FBXO4: variants seen among roughly 807,000 people sequenced by gnomAD.
FBXO4 encodes the protein F-box protein 4, also known as F-box only protein 4.
A neutral mutation model predicts 43.7 loss-of-function variants in FBXO4; 36 were observed. The ratio of observed to expected loss-of-function variants is 0.82; its 90% CI spans 0.63 to 1.09. The LOEUF is 1.09. Among genes scored for constraint, FBXO4 ranks in the 50% least tolerant of loss-of-function variants. FBXO4 has a pLI of 0.00. For missense variants in FBXO4, 435 were observed against 474.1 expected, an observed-to-expected ratio of 0.92 and a Z score of 0.77; for synonymous variants, 180 against 165.6, an observed-to-expected ratio of 1.09 and a Z score of -0.67.
the FBXO4 span, among the ~76,000 whole-genome samples, chr5:41,991,457 T>C: frequency 2.0e-5 from 3 of 152,226 alleles, no homozygotes; most frequent in African/African-American, 7.2e-5. Context: ...TAAGCCTGAT[T>C]AACTTACCCC....
chr5:41,948,520 T>C, the FBXO4 span, among the ~76,000 whole-genome samples: 1 of 152,206 alleles, frequency 6.6e-6, no homozygotes, highest in African/African-American at 2.4e-5. Flanking sequence ...TTTAATATTA[T>C]ACTACTTTAC....
At chr5:42,036,167 A>T in the FBXO4 span, among the ~76,000 whole-genome samples, 1 of 152,140 alleles carries the variant, frequency 6.6e-6, no homozygotes, top group African/African-American at 2.4e-5. Context: ...AAAACCATAA[A>T]TTTAAATGGT....
the FBXO4 span, chr5:41,951,951 T>C: frequency 3.1e-6 from 1 of 325,298 alleles, no homozygotes; most frequent in Admixed American, 3.3e-5. Flanking sequence ...GTGGTCAGTA[T>C]TCCTGGAGGA....
chr5:42,010,789 G>A, the FBXO4 span, among the ~76,000 whole-genome samples: 1 of 152,106 alleles, frequency 6.6e-6, no homozygotes, highest in African/African-American at 2.4e-5. Context: ...CATAGGGGCT[G>A]CATCATTATA....
the FBXO4 span, among the ~76,000 whole-genome samples, chr5:42,004,589 A>G: frequency 6.6e-6 from 1 of 152,168 alleles, no homozygotes; most frequent in Non-Finnish European, 1.5e-5. Context: ...TTGGTTTTGA[A>G]AAGTTGGTCA....
the FBXO4 span, among the ~76,000 whole-genome samples, chr5:42,036,640 A>C: frequency 7.2e-4 from 109 of 152,236 alleles, no homozygotes; most frequent in Non-Finnish European, 1.4e-3. Flanking sequence ...AATATACACA[A>C]AGGGCCTGAG....
chr5:41,973,267 C>T, the FBXO4 span, among the ~76,000 whole-genome samples: 5 of 152,114 alleles, frequency 3.3e-5, no homozygotes, highest in South Asian at 1.0e-3. Flanking sequence ...AGGACATGAA[C>T]AGACACTTCT....
At chr5:41,973,087 T>C in the FBXO4 span, among the ~76,000 whole-genome samples, 1 of 152,120 alleles carries the variant, frequency 6.6e-6, no homozygotes, top group Non-Finnish European at 1.5e-5. Context: ...TTAATTAAAC[T>C]AAAGAGTTAC....
At chr5:41,999,505 G>GTATATA in the FBXO4 span, among the ~76,000 whole-genome samples, 2 of 63,350 alleles carry the variant, frequency 3.2e-5, no homozygotes, top group South Asian at 4.1e-4. Context: ...ATATATATAT[G>GTATATA]TGTATATATA....
At chr5:42,030,359 C>G in the FBXO4 span, among the ~76,000 whole-genome samples, 2,379 of 150,664 alleles carry the variant, frequency 0.016, 83 homozygotes, top group East Asian at 0.092. Context: ...AATGGGGAAA[C>G]GATTCCCTAT....
chr5:41,989,644 C>T, the FBXO4 span, among the ~76,000 whole-genome samples: 3 of 152,056 alleles, frequency 2.0e-5, no homozygotes, highest in Admixed American at 2.0e-4. Flanking sequence ...GCTCTATATG[C>T]TTACTGTTAT....
At chr5:41,936,089 A>G (rs1369580450) in intron 5 of FBXO4, among the ~76,000 whole-genome samples, 3 of 152,246 alleles carry the variant, frequency 2.0e-5, no homozygotes, top group Non-Finnish European at 4.4e-5. Flanking sequence ...TTTTTACCTC[A>G]GTCTTTATTG....
the FBXO4 span, among the ~76,000 whole-genome samples, chr5:42,030,368 A>G: frequency 1.3e-5 from 2 of 152,210 alleles, no homozygotes; most frequent in South Asian, 4.1e-4. Flanking sequence ...ACGATTCCCT[A>G]TTTAATAAAT....
the FBXO4 span, among the ~76,000 whole-genome samples, chr5:42,009,450 T>C: frequency 2.6e-5 from 4 of 151,830 alleles, no homozygotes; most frequent in Non-Finnish European, 5.9e-5. Context: ...ATATTTTCCA[T>C]CCTTCTTTTA....
intron 1 of FBXO4, among the ~76,000 whole-genome samples, chr5:41,925,790 A>G (rs1561166107): frequency 6.6e-6 from 1 of 152,194 alleles, no homozygotes; most frequent in Non-Finnish European, 1.5e-5. Flanking sequence ...AAACAGGCAC[A>G]TGTGACTAGG....
At chr5:41,967,785 A>G in the FBXO4 span, 1,187 of 614,826 alleles carry the variant, frequency 1.9e-3, 31 homozygotes, top group East Asian at 0.043. Flanking sequence ...TGTGCTCTGG[A>G]AGAGGCAGGT....
At position 41,929,882 on chromosome 5, in the gene FBXO4, G is replaced by T; in HGVS notation, c.611G>T (p.Cys204Phe). 6.2e-7 allele frequency: 1 copy of T among 1,613,396 alleles called. No homozygotes were observed. The highest frequency in any genetic ancestry group is 8.5e-7 in the Non-Finnish European group (1 of 1,179,876). ...VLSLMSSEELCPTAGLPQRQI... is the reference protein window; with the variant it reads ...VLSLMSSEELFPTAGLPQRQI... ...AGCTTGATGTCTTCAGAGGAACTTTGCCCAACAGCTGGTTTGCCTCAGAGG... is the reference window on the plus strand; with the variant it reads ...AGCTTGATGTCTTCAGAGGAACTTTTCCCAACAGCTGGTTTGCCTCAGAGG... Residue 204 changes from cysteine to phenylalanine, a missense_variant, in exon 3 of 7, where the codon TGC becomes TTC. By Grantham distance (205) the Cys-to-Phe change is radical (BLOSUM62 -2). Coordinates refer to ENST00000281623, the MANE Select transcript of FBXO4 (RefSeq NM_012176.3).
the FBXO4 span, among the ~76,000 whole-genome samples, chr5:41,999,480 C>CATATATATATACATATATATATGTGTAT: frequency 6.1e-5 from 7 of 114,922 alleles, no homozygotes; most frequent in East Asian, 6.8e-4. Context: ...TATATATACA[C>CATATATATATACATATATATATGTGTAT]ATATATATAT....
chr5:41,981,298 G>T, the FBXO4 span, among the ~76,000 whole-genome samples: 1 of 151,888 alleles, frequency 6.6e-6, no homozygotes, highest in East Asian at 1.9e-4. Context: ...GTTAGAGTGA[G>T]ATATTTCACA....
Sources: gnomAD v4.1 joint callset for allele counts (sites outside exome capture counted in the v4.1 genomes callset) on GRCh38, gnomAD v4.1.1 for gene constraint, MANE v1.5 for transcripts, NCBI Gene and HGNC (gene_info 2026-07-23, HGNC 2026-07-21) for gene names.